The following GTF3C3 variants were observed in gnomAD, a reference collection of about 807,000 sequenced individuals.
GTF3C3 encodes general transcription factor IIIC subunit 3, also known as general transcription factor 3C polypeptide 3.
A neutral mutation model predicts 105.2 loss-of-function variants in GTF3C3; 75 were observed. That is an observed-to-expected ratio of 0.71 (90% CI 0.59 to 0.86). The LOEUF (loss-of-function observed/expected upper bound fraction) is 0.86, where lower values mean the gene tolerates loss of function less well. GTF3C3 is among the 40% of genes least tolerant of loss of function. The pLI, the probability that GTF3C3 is intolerant of heterozygous loss-of-function variation, is 0.00. For synonymous variants in GTF3C3, 335 were observed against 370.4 expected, an observed-to-expected ratio of 0.90 and a Z score of 1.10; for missense variants, 856 against 1,076.5, an observed-to-expected ratio of 0.80 and a Z score of 2.87.
intron 15 of GTF3C3, 113 bp from the exon 16 acceptor site, chr2:196,770,152 A>T: frequency 1.2e-6 from 1 of 851,014 alleles, no homozygotes; most frequent in South Asian, 3.1e-5. Context: ...TGGACATTCT[A>T]TCTTAAATAG....
intron 5 of GTF3C3, 25 bp downstream of exon 5, chr2:196,789,853 TG>T: frequency 3.3e-6 from 4 of 1,207,608 alleles, no homozygotes; most frequent in Non-Finnish European, 4.7e-6. Context: ...CTTGTAAAAG[TG>T]AAAAAAAAAA....
In GTF3C3 at chr2:196,766,627, G is replaced by T; in HGVS notation, c.2476C>A (p.Leu826Met). ...NLGRGLHQLGLIHLAIHYYQK... is the reference protein window; with the variant it reads ...NLGRGLHQLGMIHLAIHYYQK... ...TAATAGTGGATTGCAAGATGAATCA[G>T]CCCCAACTGATGAAGGCCACGGCCC... The change falls in exon 17 of 18, where the codon CTG becomes ATG. Residue 826 changes from leucine (L) to methionine (M), a missense_variant. This residue lies in a region of GTF3C3 where 134 missense variants were observed against 128.9 expected (regional missense o/e 1.04). Transcript: ENST00000263956. 7.4e-6 allele frequency: 12 copies of T among 1,613,266 alleles called. No homozygotes were observed. The highest frequency in any genetic ancestry group is 1.0e-5 in the Non-Finnish European group (12 of 1,179,316).
In GTF3C3 at chr2:196,799,626, T is replaced by C. The variant is rs1699712104; in HGVS notation, c.-15A>G. The C allele has an allele frequency of 1.3e-6, 2 of 1,568,748 alleles. No individual in the cohort carries two copies. The highest frequency in any genetic ancestry group is 2.7e-5 in the African/African-American group (2 of 74,052). On this transcript the variant is annotated 5_prime_UTR_variant, in exon 1 of 18. Coordinates refer to ENST00000263956, the MANE Select transcript of GTF3C3 (RefSeq NM_012086.5). ...AACCCTGACATGTTTACAGGGTCTG[T>C]CTGTGCAACCCCAGGAACCGGGACA...
At chr2:196,788,083 A>C (rs1381279797) in intron 6 of GTF3C3, among the ~76,000 whole-genome samples, 4 of 152,266 alleles carry the variant, frequency 2.6e-5, no homozygotes, top group Non-Finnish European at 5.9e-5. Flanking sequence ...CTATAGATTT[A>C]ACTAACAGCA....
chr2:196,768,827 C>T (rs1276700201), intron 16 of GTF3C3, among the ~76,000 whole-genome samples: 2 of 152,070 alleles, frequency 1.3e-5, no homozygotes, highest in Non-Finnish European at 2.9e-5. Flanking sequence ...AGCCCAAAAA[C>T]TACATATTTT....
At chr2:196,798,123 T>C (rs1387271030) in intron 1 of GTF3C3, among the ~76,000 whole-genome samples, 1 of 152,230 alleles carries the variant, frequency 6.6e-6, no homozygotes, top group Non-Finnish European at 1.5e-5. Context: ...ATTTGAATAC[T>C]GTCAAAGCAT....
At chr2:196,798,651 C>T (rs928055443) in intron 1 of GTF3C3, among the ~76,000 whole-genome samples, 2 of 152,020 alleles carry the variant, frequency 1.3e-5, no homozygotes, top group African/African-American at 4.8e-5. Flanking sequence ...ATCACGAGGT[C>T]AGGAGTTTGA....
intron 1 of GTF3C3, among the ~76,000 whole-genome samples, chr2:196,798,700 A>G (rs1699693081): frequency 1.3e-5 from 2 of 151,834 alleles, no homozygotes; most frequent in African/African-American, 4.8e-5. Flanking sequence ...CGTCTCTACT[A>G]AACATACAAA....
chr2:196,785,041 AAAAG>A (rs1449507799), intron 7 of GTF3C3, 112 bp from the exon 8 acceptor site: 137 of 700,342 alleles, frequency 2.0e-4, no homozygotes, highest in Middle Eastern at 4.2e-4. Context: ...TTGGGCTATA[AAAAG>A]AAAGAGTCTT....
At chr2:196,772,256 CATA>C (rs1303105612) in intron 14 of GTF3C3, among the ~76,000 whole-genome samples, 3 of 152,298 alleles carry the variant, frequency 2.0e-5, no homozygotes, top group East Asian at 1.9e-4. Context: ...AATAACAATT[CATA>C]ATATTTGCCA....
chr2:196,795,573 T>C (rs970777774), intron 2 of GTF3C3, among the ~76,000 whole-genome samples: 1 of 152,212 alleles, frequency 6.6e-6, no homozygotes, highest in Non-Finnish European at 1.5e-5. Context: ...AATCGTATGA[T>C]CCATCCTGAT....
chr2:196,767,211 CA>C (rs1316566602), intron 16 of GTF3C3, among the ~76,000 whole-genome samples: 2 of 152,064 alleles, frequency 1.3e-5, no homozygotes, highest in African/African-American at 2.4e-5. Flanking sequence ...CCTCTTAACC[CA>C]AAAAAACTGG....
In GTF3C3 at chr2:196,773,122, T is replaced by TGTCA. The variant is rs1421684908; in HGVS notation, c.1859_1862dup (p.Lys622AspfsTer4). ...ACAGAAGATTCCACCAGTCATCCTT[T>TGTCA]GTCAAGACGCTTGTGAGCACAGCAA... On this transcript the variant is annotated frameshift_variant, in exon 14 of 18. Transcript: ENST00000263956. LOFTEE classifies it high-confidence loss of function. 6.2e-7 allele frequency: 1 copy of TGTCA among 1,610,660 alleles called. No individual in the cohort carries two copies. The highest frequency in any genetic ancestry group is 1.3e-5 in the African/African-American group (1 of 74,770).
At chr2:196,773,940 AG>A (rs1050609134) in intron 13 of GTF3C3, among the ~76,000 whole-genome samples, 1 of 152,228 alleles carries the variant, frequency 6.6e-6, no homozygotes, top group African/African-American at 2.4e-5. Flanking sequence ...AGTCCCTAGC[AG>A]GCCACGGGCT....
At chr2:196,766,010 CAAAAAAAAA>C (rs11424716) in intron 17 of GTF3C3, among the ~76,000 whole-genome samples, 1 of 87,172 alleles carries the variant, frequency 1.1e-5, no homozygotes, top group Non-Finnish European at 2.2e-5. Flanking sequence ...ACTCTGTCTC[CAAAAAAAAA>C]AAAAAAAAAA....
At chr2:196,799,369 G>A in intron 1 of GTF3C3, 141 bp downstream of exon 1, 2 of 648,694 alleles carry the variant, frequency 3.1e-6, no homozygotes, top group Non-Finnish European at 5.5e-6. Flanking sequence ...GGTGAAAACC[G>A]GAGTTTCTGT....
At position 196,776,407 on chromosome 2, in the gene GTF3C3, C is replaced by T. The variant is rs763649523; in HGVS notation, c.1593+20G>A. ...ATATAATATACCAAGAAAAACTTCC[C>T]TCTATGTGACATGGCCCACCTGCTG... is the stretch of plus-strand genomic sequence containing the variant. On this transcript the variant is annotated intron_variant, in intron 11 of 17. Coordinates refer to ENST00000263956, the MANE Select transcript of GTF3C3 (RefSeq NM_012086.5). This position sits in a 1 kb window ranked among gnomAD's most constrained non-coding sequence, Gnocchi z 4.5. The T allele has an allele frequency of 1.3e-6, 2 of 1,597,558 alleles. No homozygotes were observed. Among genetic ancestry groups the T allele is most frequent in the South Asian group, 1.1e-5 (1 of 90,440 alleles).
Position 196,776,385 on chromosome 2 carries a change from T to C in GTF3C3, c.1593+42A>G, listed in dbSNP as rs1468169477. On this transcript the variant is annotated intron_variant, in intron 11 of 17. Coordinates refer to ENST00000263956, the MANE Select transcript of GTF3C3 (RefSeq NM_012086.5). This position sits in a 1 kb window ranked among gnomAD's most constrained non-coding sequence, Gnocchi z 4.5. ...TAATGGAGGAGAAAGTTCTAAAATA[T>C]AATATACCAAGAAAAACTTCCCTCT... The C allele has an allele frequency of 4.9e-5, 74 of 1,508,496 alleles. No individual in the cohort carries two copies. Among genetic ancestry groups the C allele is most frequent in the Non-Finnish European group, 6.2e-5 (67 of 1,089,426 alleles). The allele number at this position is 1,508,496 out of a possible 1,614,324, so 93.4% of individuals were successfully genotyped here. A position where few individuals can be genotyped will look rare whatever the true frequency, so the allele number is the denominator to read the frequency against.
chr2:196,782,398 C>T (rs529363270), intron 8 of GTF3C3, among the ~76,000 whole-genome samples: 91 of 152,298 alleles, frequency 6.0e-4, no homozygotes, highest in African/African-American at 1.8e-3. Context: ...AATATATCTA[C>T]GTGTTTTAAC....
Sources: gnomAD v4.1 joint callset for allele counts (sites outside exome capture counted in the v4.1 genomes callset) on GRCh38, gnomAD v4.1.1 for gene constraint, gnomAD v4.1.1 regional missense constraint, Gnocchi (gnomAD v3.1) non-coding constraint, MANE v1.5 for transcripts, NCBI Gene and HGNC (gene_info 2026-07-23, HGNC 2026-07-21) for gene names.